SAMTOR: variants seen among roughly 807,000 people sequenced by gnomAD.
SAMTOR encodes the protein UPF0532 protein C7orf60.
At chr7:112,886,113 A>G in the SAMTOR span, among the ~76,000 whole-genome samples, 1 of 152,264 alleles carries the variant, frequency 6.6e-6, no homozygotes, top group South Asian at 2.1e-4. Context: ...CTCACTTGGT[A>G]TCATGAGAAC....
chr7:112,819,479 C>G, the SAMTOR span: 2 of 152,214 alleles, frequency 1.3e-5, no homozygotes, highest in Non-Finnish European at 2.9e-5. Flanking sequence ...GATCTGGCAT[C>G]AAGCTGCAAT....
At chr7:112,828,872 A>C in the SAMTOR span, among the ~76,000 whole-genome samples, 2 of 152,208 alleles carry the variant, frequency 1.3e-5, no homozygotes. Flanking sequence ...TTGGCTGGGT[A>C]TAAAATTCTA....
chr7:112,820,766 C>A, the SAMTOR span: 1 of 151,918 alleles, frequency 6.6e-6, no homozygotes, highest in Non-Finnish European at 1.5e-5. Context: ...TATGAGATCA[C>A]CAACAGAGGG....
At chr7:112,907,774 A>G in the SAMTOR span, among the ~76,000 whole-genome samples, 1 of 152,110 alleles carries the variant, frequency 6.6e-6, no homozygotes, top group African/African-American at 2.4e-5. Context: ...AATCTATCGG[A>G]GAAAAATTCA....
the SAMTOR span, among the ~76,000 whole-genome samples, chr7:112,901,180 T>C: frequency 6.6e-6 from 1 of 152,194 alleles, no homozygotes; most frequent in Non-Finnish European, 1.5e-5. Context: ...CGTGACCTGT[T>C]AGGAACTGGG....
chr7:112,899,750 G>C, the SAMTOR span, among the ~76,000 whole-genome samples: 1 of 142,298 alleles, frequency 7.0e-6, no homozygotes, highest in Non-Finnish European at 1.5e-5. Flanking sequence ...AACCTTACAG[G>C]CCAAGAGGGA....
At chr7:112,850,288 G>A in the SAMTOR span, among the ~76,000 whole-genome samples, 1 of 152,180 alleles carries the variant, frequency 6.6e-6, no homozygotes, top group Admixed American at 6.5e-5. Flanking sequence ...TTTGACATGT[G>A]TTGGATTTGG....
the SAMTOR span, among the ~76,000 whole-genome samples, chr7:112,822,615 T>G: frequency 6.6e-6 from 1 of 152,154 alleles, no homozygotes; most frequent in African/African-American, 2.4e-5. Flanking sequence ...CCTAACAATT[T>G]AAAATGGGAA....
the SAMTOR span, among the ~76,000 whole-genome samples, chr7:112,825,515 A>G: frequency 1.3e-5 from 2 of 152,236 alleles, no homozygotes; most frequent in Admixed American, 1.3e-4. Context: ...TATACACACA[A>G]ATTTCTGTAT....
chr7:112,928,690 C>G, the SAMTOR span, among the ~76,000 whole-genome samples: 1 of 151,784 alleles, frequency 6.6e-6, no homozygotes, highest in Non-Finnish European at 1.5e-5. Flanking sequence ...AGCAGTCACT[C>G]AAAAGCAGAA....
chr7:112,874,629 T>C, the SAMTOR span, among the ~76,000 whole-genome samples: 2 of 152,150 alleles, frequency 1.3e-5, no homozygotes, highest in Non-Finnish European at 2.9e-5. Context: ...CCCTTGAATC[T>C]AAAAATAAAG....
chr7:112,934,087 T>A, the SAMTOR span, among the ~76,000 whole-genome samples: 1 of 152,196 alleles, frequency 6.6e-6, no homozygotes, highest in African/African-American at 2.4e-5. Context: ...TTCACTCTAC[T>A]GTAAATGAAG....
At chr7:112,917,857 G>T in the SAMTOR span, among the ~76,000 whole-genome samples, 10 of 152,142 alleles carry the variant, frequency 6.6e-5, no homozygotes, top group African/African-American at 2.4e-4. Flanking sequence ...AGTGATGGAA[G>T]ATGAAATGAA....
the SAMTOR span, among the ~76,000 whole-genome samples, chr7:112,842,820 A>G: frequency 6.6e-6 from 1 of 151,986 alleles, no homozygotes; most frequent in Non-Finnish European, 1.5e-5. Flanking sequence ...TTTCTTCATC[A>G]AAAAAGGCTA....
the SAMTOR span, among the ~76,000 whole-genome samples, chr7:112,834,149 CTT>C: frequency 2.0e-5 from 3 of 152,122 alleles, no homozygotes; most frequent in Admixed American, 6.6e-5. Flanking sequence ...ACACTTAAGA[CTT>C]TTATTAGCAT....
the SAMTOR span, among the ~76,000 whole-genome samples, chr7:112,891,582 A>G: frequency 1.3e-5 from 2 of 152,236 alleles, no homozygotes; most frequent in African/African-American, 4.8e-5. Context: ...AACAATTTTA[A>G]TATTACAGCG....
At chr7:112,857,750 A>G in the SAMTOR span, among the ~76,000 whole-genome samples, 1 of 152,234 alleles carries the variant, frequency 6.6e-6, no homozygotes, top group African/African-American at 2.4e-5. Flanking sequence ...ACTGTATGCA[A>G]TGGCCCAAGT....
At chr7:112,827,435 CT>C in the SAMTOR span, among the ~76,000 whole-genome samples, 7 of 152,086 alleles carry the variant, frequency 4.6e-5, no homozygotes, top group Non-Finnish European at 7.4e-5. Flanking sequence ...AGGTATAACT[CT>C]TTTATTTCAG....
At chr7:112,853,768 G>A in the SAMTOR span, among the ~76,000 whole-genome samples, 1 of 152,072 alleles carries the variant, frequency 6.6e-6, no homozygotes, top group African/African-American at 2.4e-5. Context: ...AACCAGAACA[G>A]CAATTTTGAT....
Sources: allele counts gnomAD v4.1 joint callset (sites outside exome capture counted in the v4.1 genomes callset), GRCh38; gene constraint gnomAD v4.1.1; transcripts MANE v1.5; gene names NCBI Gene and HGNC (gene_info 2026-07-23, HGNC 2026-07-21).